Variants in PCDHGB4 observed in about 807,000 individuals in gnomAD.
PCDHGB4 encodes the protein protocadherin gamma-B4.
PCDHGB4 carries 38 observed loss-of-function variants against 60.5 expected under a neutral mutation model. The ratio of observed to expected loss-of-function variants is 0.63; its 90% CI spans 0.48 to 0.82. The LOEUF is 0.82. PCDHGB4 is among the 40% of genes least tolerant of loss of function. The pLI is 0.00. For missense variants in PCDHGB4, 1,109 were observed against 1,209.6 expected (o/e 0.92, Z 1.23); for synonymous variants, 456 against 509.7 (o/e 0.89, Z 1.42).
chr5:141,490,882 A>G lies in PCDHGB4; in HGVS notation c.2398-3925A>G, dbSNP rs758716907. ...CGGCTCTCCCCCATTGCATGCCAAC[A>G]CATCTCTGCATGTGTTTGTCCTAGA... On this transcript the variant is annotated intron_variant, in intron 1 of 3. Coordinates refer to ENST00000519479, the MANE Select transcript of PCDHGB4 (RefSeq NM_003736.4). This position sits in a 1 kb window ranked among gnomAD's most constrained non-coding sequence, Gnocchi z 5.4. 6.2e-7 allele frequency: 1 copy of G among 1,613,848 alleles called. No individual in the cohort carries two copies. Among genetic ancestry groups the G allele is most frequent in the Non-Finnish European group, 8.5e-7 (1 of 1,179,920 alleles).
rs370299433 is a variant in PCDHGB4 at position 141,476,360 on chromosome 5, G to A, written c.2398-18447G>A. 5.3e-5 allele frequency: 86 copies of A among 1,614,186 alleles called. No homozygotes were observed. The highest frequency in any genetic ancestry group is 6.7e-5 in the Non-Finnish European group (79 of 1,180,042). ...CCGAAGATTCTTTGAGGTGAACCGG[G>A]AGACCGGAGAGATGTTTGTGAACGA... On this transcript the variant is annotated intron_variant, in intron 1 of 3. Transcript: ENST00000519479. This position sits in a 1 kb window ranked among gnomAD's most constrained non-coding sequence, Gnocchi z 7.6.
chr5:141,405,331 C>G (rs1561699778), intron 1 of PCDHGB4: 1 of 1,614,186 alleles, frequency 6.2e-7, no homozygotes, highest in Non-Finnish European at 8.5e-7. Flanking sequence ...CTTTGTGCGT[C>G]TCTGTTGATT....
chr5:141,469,372 C>T (rs780872014), intron 1 of PCDHGB4, among the ~76,000 whole-genome samples: 2 of 151,990 alleles, frequency 1.3e-5, no homozygotes, highest in African/African-American at 2.4e-5. Context: ...GTAAAGAGAT[C>T]GAGACCATCC....
chr5:141,509,477 G>A (rs753058277), intron 3 of PCDHGB4, among the ~76,000 whole-genome samples: 7 of 152,166 alleles, frequency 4.6e-5, no homozygotes, highest in African/African-American at 7.2e-5. Context: ...CAGGTGAGGG[G>A]TAGAGGTGAT....
At chr5:141,411,958 GAT>G (rs1485546812) in intron 1 of PCDHGB4, 1 of 152,192 alleles carries the variant, frequency 6.6e-6, no homozygotes, top group African/African-American at 2.4e-5. Flanking sequence ...GAAGAAAAAA[GAT>G]AAAATCTTTG....
intron 1 of PCDHGB4, chr5:141,394,897 T>C (rs773335725): frequency 3.1e-6 from 5 of 1,613,682 alleles, no homozygotes; most frequent in Non-Finnish European, 4.2e-6. Flanking sequence ...TATCTCGTGG[T>C]GGCAGTGGCT....
intron 1 of PCDHGB4, among the ~76,000 whole-genome samples, chr5:141,482,832 G>A (rs2099573281): frequency 6.6e-6 from 1 of 152,188 alleles, no homozygotes; most frequent in Non-Finnish European, 1.5e-5. Flanking sequence ...AGCACTTTGG[G>A]AGGCCAAGGT....
rs767108870 is a variant in PCDHGB4 at position 141,485,169 on chromosome 5, C to T, written c.2398-9638C>T. On this transcript the variant is annotated intron_variant, in intron 1 of 3. Transcript: ENST00000519479. This position sits in a 1 kb window ranked among gnomAD's most constrained non-coding sequence, Gnocchi z 5.7. ...GAGCAAGTAGAGAATTAGCGGGCGG[C>T]AGCAATGCTCCGCAAGGTGAGAAGC... The T allele has an allele frequency of 6.2e-7, 1 of 1,608,524 alleles. No homozygotes were observed. Among genetic ancestry groups the T allele is most frequent in the South Asian group, 1.1e-5 (1 of 90,730 alleles).
At chr5:141,417,993 C>T (rs753867006) in intron 1 of PCDHGB4, 11 of 1,613,830 alleles carry the variant, frequency 6.8e-6, no homozygotes, top group Non-Finnish European at 7.6e-6. Flanking sequence ...GCCAAGGGCT[C>T]GGTGGTGGGG....
intron 1 of PCDHGB4, chr5:141,421,969 T>C (rs1039340340): frequency 1.2e-6 from 2 of 1,611,188 alleles, no homozygotes; most frequent in Admixed American, 1.7e-5. Flanking sequence ...ACAGTCCGTA[T>C]ATCGCGTGAG....
chr5:141,419,258 C>G lies in PCDHGB4; in HGVS notation c.2397+28977C>G, dbSNP rs761740232. The G allele has an allele frequency of 2.5e-6, 4 of 1,614,028 alleles. No individual in the cohort carries two copies. The Admixed American group carries it at 6.7e-5, about 27-fold the overall frequency. ...GGTCCACGTGCCAGAAAACAACCAG[C>G]CGGGTGCCTCCATAGCGCAAGTCAG... On this transcript the variant is annotated intron_variant, in intron 1 of 3. Transcript: ENST00000519479.
intron 1 of PCDHGB4, chr5:141,399,059 A>G (rs769553635): frequency 1.2e-6 from 2 of 1,613,764 alleles, no homozygotes; most frequent in Middle Eastern, 1.6e-4. Context: ...ACCAAGGAAT[A>G]TTCAATGGTT....
chr5:141,428,297 T>G (rs2097131311), intron 1 of PCDHGB4: 5 of 712,160 alleles, frequency 7.0e-6, no homozygotes, highest in Non-Finnish European at 1.2e-5. Flanking sequence ...AAGCTGCAGA[T>G]TTACCTGGTC....
Position 141,505,488 on chromosome 5 carries a change from G to A in PCDHGB4, c.2545+7G>A. On this transcript the variant is annotated splice_region_variant and intron_variant, in intron 3 of 3. Transcript: ENST00000519479. Reference sequence around the variant, plus strand: ...ATCTTGGCGTCCGCCAGTGGTAAGTGGTGTCAGTGTGTGTATGGAAGAGTG... The same window carrying A: ...ATCTTGGCGTCCGCCAGTGGTAAGTAGTGTCAGTGTGTGTATGGAAGAGTG... The A allele has an allele frequency of 6.2e-7, 1 of 1,614,222 alleles. No individual in the cohort carries two copies. The highest frequency in any genetic ancestry group is 8.5e-7 in the Non-Finnish European group (1 of 1,180,018).
At chr5:141,446,766 C>T (rs1335326278) in intron 1 of PCDHGB4, among the ~76,000 whole-genome samples, 7 of 152,208 alleles carry the variant, frequency 4.6e-5, no homozygotes, top group East Asian at 3.9e-4. Context: ...CGCGCCCAGC[C>T]GGTTACCATT....
intron 1 of PCDHGB4, among the ~76,000 whole-genome samples, chr5:141,480,451 T>G (rs2099519323): frequency 6.6e-6 from 1 of 152,136 alleles, no homozygotes; most frequent in African/African-American, 2.4e-5. Flanking sequence ...ATAATTATTT[T>G]TATTAGTTCC....
chr5:141,487,067 G>C lies in PCDHGB4; in HGVS notation c.2398-7740G>C, dbSNP rs765539804. 3 of 1,614,048 alleles carry C rather than the reference G, an allele frequency of 1.9e-6. No individual in the cohort carries two copies. The highest frequency in any genetic ancestry group is 3.3e-5 in the Admixed American group (2 of 60,010). ...ATATGCTGGGGAGGTGCGGACGGCT[G>C]TTCCTATCCCAGCTGACCTCCCACC... On this transcript the variant is annotated intron_variant, in intron 1 of 3. Coordinates refer to ENST00000519479, the MANE Select transcript of PCDHGB4 (RefSeq NM_003736.4). The surrounding 1 kb of genome is among the most constrained non-coding windows in gnomAD (Gnocchi z 5.0).
In PCDHGB4 at chr5:141,505,470, C is replaced by G; in HGVS notation, c.2534C>G (p.Ala845Gly). 6.2e-7 allele frequency: 1 copy of G among 1,614,186 alleles called. No individual in the cohort carries two copies. Among genetic ancestry groups the G allele is most frequent in the Non-Finnish European group, 8.5e-7 (1 of 1,180,002 alleles). Residue 845 changes from alanine to glycine, a missense_variant, in exon 3 of 4, where the codon GCG (alanine) becomes GGG (glycine). Ala to Gly is a moderately conservative substitution (Grantham distance 60). Transcript: ENST00000519479. ...GAGATGCTGCAAGCCATGATCTTGG[C>G]GTCCGCCAGTGGTAAGTGGTGTCAG... The part of the protein sequence containing the change: ...DTEMLQAMIL[A>G]SASEAADGSS...
intron 1 of PCDHGB4, among the ~76,000 whole-genome samples, chr5:141,437,246 C>A (rs897787623): frequency 6.6e-6 from 1 of 152,144 alleles, no homozygotes; most frequent in Non-Finnish European, 1.5e-5. Context: ...CAAGGACTTT[C>A]CTTGTCTTTT....
Sources: allele counts gnomAD v4.1 joint callset (sites outside exome capture counted in the v4.1 genomes callset), GRCh38; gene constraint gnomAD v4.1.1; non-coding constraint Gnocchi (gnomAD v3.1); transcripts MANE v1.5; gene names NCBI Gene and HGNC (gene_info 2026-07-23, HGNC 2026-07-21).